Variants in GPR176 observed in about 807,000 individuals in gnomAD.
The protein encoded by GPR176 is G protein-coupled receptor 176.
Under a neutral mutation model 35.4 loss-of-function variants are expected in GPR176, and 26 were observed. The observed-to-expected ratio is 0.74, with a 90% CI of 0.54 to 1.02. The LOEUF is 1.02. Among genes scored for constraint, GPR176 ranks in the 50% least tolerant of loss-of-function variants. The pLI, the probability that GPR176 is intolerant of heterozygous loss-of-function variation, is 0.00. For synonymous variants in GPR176, 278 were observed against 271.3 expected (o/e 1.02, Z -0.24); for missense variants, 597 against 665.3 (o/e 0.90, Z 1.13).
chr15:39,832,051 G>A (rs1171890341), intron 1 of GPR176, among the ~76,000 whole-genome samples: 1 of 151,504 alleles, frequency 6.6e-6, no homozygotes. Flanking sequence ...AATGAAGGGG[G>A]CAAAGGATCT....
intron 1 of GPR176, among the ~76,000 whole-genome samples, chr15:39,893,940 C>A: frequency 7.9e-6 from 1 of 126,768 alleles, no homozygotes; most frequent in Admixed American, 7.6e-5. Context: ...CCGGACGGGG[C>A]GGCTGGCCGG....
chr15:39,875,755 T>G (rs376560716), intron 1 of GPR176, among the ~76,000 whole-genome samples: 1 of 152,218 alleles, frequency 6.6e-6, no homozygotes, highest in East Asian at 1.9e-4. Flanking sequence ...GTTTTTAAAA[T>G]CATTAAGTAT....
intron 1 of GPR176, among the ~76,000 whole-genome samples, chr15:39,913,264 G>T (rs2033626892): frequency 6.6e-6 from 1 of 152,170 alleles, no homozygotes; most frequent in South Asian, 2.1e-4. Context: ...AGAAAGTAGG[G>T]CCAGGCCTGG....
chr15:39,872,218 G>T (rs751595941), intron 1 of GPR176, among the ~76,000 whole-genome samples: 1 of 152,198 alleles, frequency 6.6e-6, no homozygotes, highest in Non-Finnish European at 1.5e-5. Flanking sequence ...TAGGAGAAAA[G>T]AAGAGGTATG....
rs1204765604 is a variant in GPR176, at chr15:39,799,819, G to A, written c.*1313C>T. 6.6e-6 allele frequency: 1 copy of A among 152,290 alleles called. No individual in the cohort carries two copies. Among genetic ancestry groups the A allele is most frequent in the Non-Finnish European group, 1.5e-5 (1 of 68,078 alleles). 9.4% of individuals were successfully genotyped at this position (152,290 alleles called of 1,614,324 possible). On this transcript the variant is annotated 3_prime_UTR_variant, in exon 3 of 3. Transcript: ENST00000561100. The stretch of plus-strand genomic sequence containing the variant: ...ACCCCAGAGGGGTCCCAAATTGCTT[G>A]TGAGGCTGATGAGTTGAGGACACTG...
In GPR176 at chr15:39,799,764, C is replaced by A. The variant is rs1437648862; in HGVS notation, c.*1368G>T. The A allele has an allele frequency of 6.6e-6, 1 of 152,316 alleles. No homozygotes were observed. Among genetic ancestry groups the A allele is most frequent in the African/African-American group, 2.4e-5 (1 of 41,460 alleles). 9.4% of individuals were successfully genotyped at this position (152,316 alleles called of 1,614,324 possible). A position where few individuals can be genotyped will look rare whatever the true frequency, so the allele number is the denominator to read the frequency against. On this transcript the variant is annotated 3_prime_UTR_variant, in exon 3 of 3. Transcript: ENST00000561100. Reference sequence around the variant, plus strand: ...GTCCTCACTAACAGGGAAGTATTATCTGCGGTTCTAATTCAACCTGGTGAA... The same window carrying A: ...GTCCTCACTAACAGGGAAGTATTATATGCGGTTCTAATTCAACCTGGTGAA...
At chr15:39,880,835 A>C (rs1225439846) in intron 1 of GPR176, among the ~76,000 whole-genome samples, 1 of 152,296 alleles carries the variant, frequency 6.6e-6, no homozygotes, top group Non-Finnish European at 1.5e-5. Flanking sequence ...CCCTTGCCTA[A>C]GTCCTCATTA....
In GPR176 at chr15:39,919,945, G is replaced by T. The variant is rs1225369312; in HGVS notation, c.82C>A (p.Arg28Ser). ...TCGCCGAACTCCCCGAGCGCGCTGC[G>T]GTTCACACCCGCAGCCTCGGCGCCG... ...ASGAEAAGVN[R>S]SALGEFGEAQ... The change falls in exon 1 of 3, where the codon CGC becomes AGC. Residue 28 changes from arginine to serine, a missense_variant. Physicochemically the swap from Arg to Ser is moderately radical, Grantham distance 110 (BLOSUM62 -1). This residue lies in a region of GPR176 where 126 missense variants were observed against 112.4 expected (regional missense o/e 1.12). Coordinates refer to ENST00000561100, the MANE Select transcript of GPR176 (RefSeq NM_007223.3). The T allele has an allele frequency of 1.3e-6, 2 of 1,508,092 alleles. No individual in the cohort carries two copies. The highest frequency in any genetic ancestry group is 4.7e-5 in the Admixed American group (2 of 42,880). The allele number at this position is 1,508,092 out of a possible 1,614,324, so 93.4% of individuals were successfully genotyped here.
At chr15:39,905,281 C>T (rs1297070826) in intron 1 of GPR176, among the ~76,000 whole-genome samples, 5 of 151,970 alleles carry the variant, frequency 3.3e-5, no homozygotes, top group Admixed American at 3.3e-4. Context: ...TTAAGAATAA[C>T]CAGAAAAGTT....
intron 1 of GPR176, among the ~76,000 whole-genome samples, chr15:39,811,902 C>T (rs868314269): frequency 2.2e-4 from 32 of 145,994 alleles, no homozygotes; most frequent in Middle Eastern, 3.6e-3. Context: ...GGTGACAGAG[C>T]GAGACTCCGT....
intron 1 of GPR176, among the ~76,000 whole-genome samples, chr15:39,899,087 C>G (rs192543256): frequency 5.3e-5 from 8 of 152,304 alleles, no homozygotes; most frequent in African/African-American, 1.9e-4. Flanking sequence ...TGTGGACCAG[C>G]AGCATCAACA....
Position 39,801,154 on chromosome 15 carries a change from A to C in GPR176, c.1526T>G (p.Ile509Ser). Residue 509 changes from isoleucine (I) to serine (S), a missense_variant, in exon 3 of 3, where the codon ATT becomes AGT. By Grantham distance (142) the Ile-to-Ser change is moderately radical (BLOSUM62 -2). Transcript: ENST00000561100. The part of the protein sequence containing the change: ...RKMSRNNKVS[I>S]FPKVDS Reference sequence around the variant, plus strand: ...TTGCTAGGAATCCACCTTTGGAAAAATGCTCACTTTATTGTTTCTGCTCAT... The same window carrying C: ...TTGCTAGGAATCCACCTTTGGAAAACTGCTCACTTTATTGTTTCTGCTCAT... 6.2e-7 allele frequency: 1 copy of C among 1,603,402 alleles called. No individual in the cohort carries two copies. The highest frequency in any genetic ancestry group is 8.5e-7 in the Non-Finnish European group (1 of 1,173,136).
chr15:39,877,889 T>C (rs2032312751), intron 1 of GPR176, among the ~76,000 whole-genome samples: 2 of 152,106 alleles, frequency 1.3e-5, no homozygotes, highest in Admixed American at 6.6e-5. Flanking sequence ...CCATTACTCA[T>C]GCAGTATTTC....
intron 2 of GPR176, among the ~76,000 whole-genome samples, chr15:39,803,271 CTT>C (rs769645892): frequency 3.5e-5 from 3 of 85,572 alleles, no homozygotes; most frequent in African/African-American, 4.3e-5. Context: ...ACAAGTACTT[CTT>C]TTTTTTTTTT....
intron 1 of GPR176, among the ~76,000 whole-genome samples, chr15:39,883,491 A>G (rs1000769332): frequency 1.3e-5 from 2 of 152,226 alleles, no homozygotes; most frequent in Non-Finnish European, 2.9e-5. Flanking sequence ...TACCACCATG[A>G]AGGAAAGACA....
rs536667664 is a variant in GPR176 at position 39,824,183 on chromosome 15, C to T, written c.173-16925G>A. Among the ~76,000 whole-genome samples, 5 of 152,334 alleles carry T rather than the reference C, an allele frequency of 3.3e-5. No individual in the cohort carries two copies. The East Asian group carries it at 5.8e-4, about 18-fold the overall frequency. On this transcript the variant is annotated intron_variant, in intron 1 of 2. Transcript: ENST00000561100. ...TGTGACATGCTGTCTGGCTCCCCTT[C>T]GCCTTCTGCCATGACTGCAAGCTTC...
chr15:39,847,786 T>G (rs531910730), intron 1 of GPR176, among the ~76,000 whole-genome samples: 35 of 142,630 alleles, frequency 2.5e-4, no homozygotes, highest in African/African-American at 8.8e-4. Flanking sequence ...TATCTTAATA[T>G]CAGATAAAAT....
chr15:39,873,779 C>G (rs898103232), intron 1 of GPR176, among the ~76,000 whole-genome samples: 1 of 152,004 alleles, frequency 6.6e-6, no homozygotes, highest in African/African-American at 2.4e-5. Context: ...GATTGTCAAC[C>G]AGTCATTTGT....
At chr15:39,855,385 T>A (rs1327563847) in intron 1 of GPR176, among the ~76,000 whole-genome samples, 1 of 152,232 alleles carries the variant, frequency 6.6e-6, no homozygotes, top group Non-Finnish European at 1.5e-5. Flanking sequence ...GCCCTGGTCC[T>A]ATTTCTCGTC....
Sources: allele counts gnomAD v4.1 joint callset (sites outside exome capture counted in the v4.1 genomes callset), GRCh38; gene constraint gnomAD v4.1.1; regional missense constraint gnomAD v4.1.1; transcripts MANE v1.5; gene names NCBI Gene and HGNC (gene_info 2026-07-23, HGNC 2026-07-21).